The following TXNDC15 variants were observed in gnomAD, a reference collection of about 807,000 sequenced individuals.
TXNDC15 encodes the protein thioredoxin domain-containing protein 15.
TXNDC15 carries 24 observed loss-of-function variants against 35.0 expected under a neutral mutation model. The ratio of observed to expected loss-of-function variants is 0.68; its 90% confidence interval spans 0.50 to 0.96. The LOEUF is 0.96. TXNDC15 is among the 40% of genes least tolerant of loss of function. The pLI is 0.00. For missense variants in TXNDC15, 385 were observed against 453.3 expected, an observed-to-expected ratio of 0.85 and a Z score of 1.37; for synonymous variants, 169 against 174.0, an observed-to-expected ratio of 0.97 and a Z score of 0.23.
chr5:134,878,654 G>T (rs1750085467), intron 1 of TXNDC15, among the ~76,000 whole-genome samples: 1 of 152,214 alleles, frequency 6.6e-6, no homozygotes, highest in South Asian at 2.1e-4. Flanking sequence ...TTTGCTGCCA[G>T]TGATGCAATA....
intron 1 of TXNDC15, among the ~76,000 whole-genome samples, chr5:134,886,821 G>A (rs1197787916): frequency 6.6e-6 from 1 of 152,194 alleles, no homozygotes; most frequent in South Asian, 2.1e-4. Context: ...AACTTTGCTC[G>A]CAGACTTGGC....
chr5:134,883,286 A>G (rs1450381900), intron 1 of TXNDC15, among the ~76,000 whole-genome samples: 3 of 152,092 alleles, frequency 2.0e-5, no homozygotes, highest in South Asian at 2.1e-4. Context: ...TTAGCTGGGC[A>G]TGGTGGCACA....
chr5:134,875,010 C>A, intron 1 of TXNDC15: 1 of 397,484 alleles, frequency 2.5e-6, no homozygotes, highest in South Asian at 1.8e-5. Context: ...TGAAGATGCT[C>A]AGGCCCCGCC....
intron 1 of TXNDC15, among the ~76,000 whole-genome samples, chr5:134,882,222 C>T (rs1750166828): frequency 1.3e-5 from 2 of 149,284 alleles, no homozygotes; most frequent in African/African-American, 2.5e-5. Context: ...AGGGCAGAGG[C>T]GCTCCCCACA....
intron 1 of TXNDC15, among the ~76,000 whole-genome samples, chr5:134,886,299 A>G (rs928725409): frequency 2.6e-5 from 4 of 152,202 alleles, no homozygotes; most frequent in Non-Finnish European, 5.9e-5. Context: ...GGTCACTGAC[A>G]CTCCAGTGAC....
Position 134,881,565 on chromosome 5 carries a change from GAA to G in TXNDC15, c.104-6127_104-6126del, listed in dbSNP as rs1428785762. Among the ~76,000 whole-genome samples, 238 of 115,850 alleles carry G rather than the reference GAA, an allele frequency of 2.1e-3. 1 individual carries two copies. The highest frequency in any genetic ancestry group is 6.8e-3 in the African/African-American group (202 of 29,642). 76.0% of individuals were successfully genotyped at this position (115,850 alleles called of 152,430 possible). ...AATTTTTCTTAGTACAGAACAAAATGAAAAGTCTCCCATGTCTACCTCTTTCT... is the reference window on the plus strand; with the variant it reads ...AATTTTTCTTAGTACAGAACAAAATGAAGTCTCCCATGTCTACCTCTTTCT... On this transcript the variant is annotated intron_variant, in intron 1 of 4. Transcript: ENST00000358387.
At chr5:134,878,502 T>A (rs968638668) in intron 1 of TXNDC15, among the ~76,000 whole-genome samples, 1 of 152,232 alleles carries the variant, frequency 6.6e-6, no homozygotes, top group Non-Finnish European at 1.5e-5. Context: ...TTGCCTTTCC[T>A]GCCAGAAGCC....
intron 2 of TXNDC15, 124 bp downstream of exon 2, chr5:134,888,306 G>A (rs1750319399): frequency 2.0e-6 from 2 of 998,520 alleles, no homozygotes; most frequent in South Asian, 1.7e-5. Flanking sequence ...AGCATTTAAT[G>A]GCTGCTTCAG....
chr5:134,884,938 T>C (rs1561898514), intron 1 of TXNDC15, among the ~76,000 whole-genome samples: 1 of 151,668 alleles, frequency 6.6e-6, no homozygotes, highest in South Asian at 2.1e-4. Flanking sequence ...TTTTTTTTTT[T>C]CTGAGACGGA....
At position 134,899,618 on chromosome 5, in the gene TXNDC15, A is replaced by G. The variant is rs754706223; in HGVS notation, c.1016A>G (p.Tyr339Cys). The part of the protein sequence containing the change: ...SLFFLISFIM[Y>C]ATIRTESIRW... ...TTCTTTTTAATTAGTTTTATTATGT[A>G]TGCTACCATTCGAACTGAGAGTATT... The change falls in exon 5 of 5, where the codon TAT (tyrosine) becomes TGT (cysteine). Residue 339 changes from tyrosine to cysteine, a missense_variant. Coordinates refer to ENST00000358387, the MANE Select transcript of TXNDC15 (RefSeq NM_024715.4). 4 of 1,613,852 alleles carry G rather than the reference A, an allele frequency of 2.5e-6. No individual in the cohort carries two copies. Among genetic ancestry groups the G allele is most frequent in the East Asian group, 4.5e-5 (2 of 44,880 alleles).
chr5:134,887,410 C>G (rs1468091597), intron 1 of TXNDC15, among the ~76,000 whole-genome samples: 1 of 152,168 alleles, frequency 6.6e-6, no homozygotes, highest in Non-Finnish European at 1.5e-5. Context: ...GTCTTGAACT[C>G]CTGACCTCAA....
intron 1 of TXNDC15, among the ~76,000 whole-genome samples, chr5:134,883,159 G>T (rs1282027728): frequency 1.3e-5 from 2 of 152,076 alleles, no homozygotes; most frequent in Non-Finnish European, 2.9e-5. Context: ...GGGCATGGTG[G>T]CTCACGCCTG....
At chr5:134,889,848 A>T (rs1750353395) in intron 2 of TXNDC15, among the ~76,000 whole-genome samples, 1 of 152,262 alleles carries the variant, frequency 6.6e-6, no homozygotes, top group Non-Finnish European at 1.5e-5. Flanking sequence ...GTAGTTTATT[A>T]AGTATGCAGT....
chr5:134,889,504 G>A (rs1750346291), intron 2 of TXNDC15, among the ~76,000 whole-genome samples: 2 of 152,254 alleles, frequency 1.3e-5, no homozygotes, highest in Non-Finnish European at 2.9e-5. Flanking sequence ...GATTACAGAT[G>A]TAAGATACTG....
At chr5:134,877,506 C>T (rs564900772) in intron 1 of TXNDC15, among the ~76,000 whole-genome samples, 1 of 152,292 alleles carries the variant, frequency 6.6e-6, no homozygotes, top group East Asian at 1.9e-4. Context: ...GTTTAGGTGG[C>T]TACAGTAGTT....
At chr5:134,874,647 C>T (rs1749994970) in intron 1 of TXNDC15, 117 bp downstream of exon 1, 3 of 810,990 alleles carry the variant, frequency 3.7e-6, no homozygotes, top group South Asian at 2.0e-5. Context: ...CTTGGCGTCT[C>T]CCCGGGCGCG....
intron 1 of TXNDC15, among the ~76,000 whole-genome samples, chr5:134,876,804 G>GA (rs1269664179): frequency 1.3e-5 from 2 of 150,284 alleles, no homozygotes; most frequent in East Asian, 3.9e-4. Context: ...GAGGCCCTGA[G>GA]AGACTAAGCA....
At chr5:134,875,445 C>T in intron 1 of TXNDC15, 1 of 454,676 alleles carries the variant, frequency 2.2e-6, no homozygotes, top group Non-Finnish European at 4.4e-6. Flanking sequence ...CACTGTGTAC[C>T]AGATGCTGTG....
In TXNDC15 at chr5:134,874,378, T is replaced by G; in HGVS notation, c.-50T>G. 1 of 1,500,472 alleles carries G rather than the reference T, an allele frequency of 6.7e-7. No individual in the cohort carries two copies. Among genetic ancestry groups the G allele is most frequent in the Non-Finnish European group, 8.9e-7 (1 of 1,119,756 alleles). 92.9% of individuals were successfully genotyped at this position (1,500,472 alleles called of 1,614,324 possible). On this transcript the variant is annotated 5_prime_UTR_variant, in exon 1 of 5. Transcript: ENST00000358387. ...TCTCCTCCCCCAGCCTTCCTCCGGC[T>G]GGCAGCACGACTCGCGTAGCCGTGC...
Sources: allele counts gnomAD v4.1 joint callset (sites outside exome capture counted in the v4.1 genomes callset), GRCh38; gene constraint gnomAD v4.1.1; transcripts MANE v1.5; gene names NCBI Gene and HGNC (gene_info 2026-07-23, HGNC 2026-07-21).